CORIN: variants seen among roughly 807,000 people sequenced by gnomAD.
CORIN encodes the protein atrial natriuretic peptide-converting enzyme.
Under a neutral mutation model 125.3 loss-of-function variants are expected in CORIN, and 117 were observed. The observed-to-expected ratio is 0.93, with a 90% CI of 0.80 to 1.09. The LOEUF (loss-of-function observed/expected upper bound fraction) is 1.09, where lower values mean the gene tolerates loss of function less well. Among genes scored for constraint, CORIN ranks in the 50% least tolerant of loss-of-function variants. The probability of loss-of-function intolerance (pLI) is 0.00; values close to 1 mark genes in which losing one functional copy is unlikely to be tolerated. For synonymous variants in CORIN, 450 were observed against 466.4 expected (o/e 0.96, Z 0.45); for missense variants, 1,253 against 1,306.7 (o/e 0.96, Z 0.63).
intron 4 of CORIN, among the ~76,000 whole-genome samples, chr4:47,758,618 A>C (rs745763453): frequency 7.9e-5 from 12 of 152,180 alleles, no homozygotes. Flanking sequence ...TCCCCACCCA[A>C]ATCTCATCTT....
chr4:47,786,684 G>T, intron 3 of CORIN, 41 bp downstream of exon 3: 1 of 1,513,198 alleles, frequency 6.6e-7, no homozygotes, highest in Non-Finnish European at 9.1e-7. Context: ...CCTACCTGTG[G>T]GACATTAAAA....
intron 13 of CORIN, among the ~76,000 whole-genome samples, chr4:47,645,697 C>T (rs1723438734): frequency 6.6e-6 from 1 of 151,902 alleles, no homozygotes; most frequent in Admixed American, 6.6e-5. Context: ...GGAGACCAGC[C>T]TGGCCAAGAT....
At chr4:47,753,265 C>T (rs1342911822) in intron 4 of CORIN, among the ~76,000 whole-genome samples, 1 of 152,096 alleles carries the variant, frequency 6.6e-6, no homozygotes, top group Non-Finnish European at 1.5e-5. Context: ...CAATAAAGAT[C>T]ACAAGGCAAA....
intron 5 of CORIN, among the ~76,000 whole-genome samples, chr4:47,732,931 G>A (rs933634432): frequency 1.2e-4 from 18 of 151,906 alleles, no homozygotes; most frequent in African/African-American, 4.1e-4. Flanking sequence ...ACTGTCTCGC[G>A]TCTCTCCCAA....
rs759571237 is a variant in CORIN at position 47,623,700 on chromosome 4, C to T, written c.2411G>A (p.Gly804Glu). ...PAARMNKRIL[G>E]GRTSRPGRWP... ...CCTTCCAGGGCGACTCGTCCGACCTCCAAGGATCCTTTTGTTCATTCGGGC... is the reference window on the plus strand; with the variant it reads ...CCTTCCAGGGCGACTCGTCCGACCTTCAAGGATCCTTTTGTTCATTCGGGC... Residue 804 changes from glycine (G) to glutamate (E), a missense_variant, in exon 19 of 22, where the codon GGA (glycine) becomes GAA (glutamate). Coordinates refer to ENST00000273857, the MANE Select transcript of CORIN (RefSeq NM_006587.4). The T allele has an allele frequency of 1.2e-6, 2 of 1,614,230 alleles. No homozygotes were observed. The highest frequency in any genetic ancestry group is 1.1e-5 in the South Asian group (1 of 91,086).
chr4:47,768,226 C>A (rs548663548), intron 3 of CORIN, among the ~76,000 whole-genome samples: 26 of 152,294 alleles, frequency 1.7e-4, no homozygotes, highest in Non-Finnish European at 2.6e-4. Context: ...CGCTAACTCT[C>A]TTTTCGGACT....
At chr4:47,658,284 C>A (rs1252340378) in intron 12 of CORIN, among the ~76,000 whole-genome samples, 3 of 152,240 alleles carry the variant, frequency 2.0e-5, no homozygotes, top group African/African-American at 7.2e-5. Context: ...ATCCTGCATA[C>A]AGGGCACACT....
intron 2 of CORIN, among the ~76,000 whole-genome samples, chr4:47,791,634 A>G (rs906243096): frequency 1.3e-5 from 2 of 152,182 alleles, no homozygotes; most frequent in African/African-American, 4.8e-5. Context: ...AGCTTGCTCA[A>G]GATTTGAGTT....
intron 13 of CORIN, among the ~76,000 whole-genome samples, chr4:47,651,802 T>C (rs1166117161): frequency 1.3e-5 from 2 of 152,178 alleles, no homozygotes; most frequent in Non-Finnish European, 2.9e-5. Context: ...AAACCTGATA[T>C]TTTAGGGTCG....
rs187699363 is a variant in CORIN at position 47,780,731 on chromosome 4, T to C, written c.409+5994A>G. ...AACTATTTTGGAACTCTGGATTCTA[T>C]TGAATGTTTGAAAGTTTCAGAGGTG... On this transcript the variant is annotated intron_variant, in intron 3 of 21. Transcript: ENST00000273857. 3.0e-3 allele frequency among the ~76,000 whole-genome samples: 461 copies of C among 152,274 alleles called. 3 individuals carry two copies. In the Middle Eastern group the frequency reaches 0.037, roughly 12 times the overall value.
chr4:47,796,454 A>T (rs1731295499), intron 2 of CORIN, among the ~76,000 whole-genome samples: 1 of 152,118 alleles, frequency 6.6e-6, no homozygotes. Context: ...ATCCAAGGGT[A>T]TAAAGTTTCA....
intron 5 of CORIN, among the ~76,000 whole-genome samples, chr4:47,718,709 C>T (rs1262831023): frequency 6.6e-6 from 1 of 152,150 alleles, no homozygotes; most frequent in Non-Finnish European, 1.5e-5. Flanking sequence ...CATGCAACTC[C>T]CTTCCAATTC....
chr4:47,642,115 T>A, intron 15 of CORIN, 66 bp from the exon 16 acceptor site: 1 of 1,528,648 alleles, frequency 6.5e-7, no homozygotes, highest in East Asian at 2.3e-5. Flanking sequence ...GCACATAACT[T>A]TACATGCCTC....
At chr4:47,657,735 A>T (rs1207238892) in intron 12 of CORIN, among the ~76,000 whole-genome samples, 1 of 151,964 alleles carries the variant, frequency 6.6e-6, no homozygotes, top group Non-Finnish European at 1.5e-5. Flanking sequence ...AACAAGAGAG[A>T]GAGAGAGTTG....
rs566608203 is a variant in CORIN, at chr4:47,768,826, C to T, written c.410-5240G>A. Among the ~76,000 whole-genome samples, 18 of 152,208 alleles carry T rather than the reference C, an allele frequency of 1.2e-4. No homozygotes were observed. In the South Asian group the frequency reaches 1.9e-3, roughly 16 times the overall value. On this transcript the variant is annotated intron_variant, in intron 3 of 21. Transcript: ENST00000273857. ...TAGGTATAGAAGAAATGTACTTCAA[C>T]ACAATAAAGGCCATCTACGACAAAC...
chr4:47,764,411 T>G (rs1329926942), intron 3 of CORIN, among the ~76,000 whole-genome samples: 1 of 152,222 alleles, frequency 6.6e-6, no homozygotes, highest in African/African-American at 2.4e-5. Flanking sequence ...ACAAAAATGT[T>G]GACATGCATT....
At chr4:47,603,782 C>T (rs1004532080) in intron 19 of CORIN, 114 bp from the exon 20 acceptor site, 1 of 1,127,390 alleles carries the variant, frequency 8.9e-7, no homozygotes, top group Non-Finnish European at 1.3e-6. Flanking sequence ...TTCATGCCCA[C>T]CTCTCAATGT....
At chr4:47,619,400 T>C (rs1444759361) in intron 19 of CORIN, among the ~76,000 whole-genome samples, 1 of 152,190 alleles carries the variant, frequency 6.6e-6, no homozygotes, top group Non-Finnish European at 1.5e-5. Context: ...ATTGCTGTAA[T>C]TGATAGCTCC....
intron 3 of CORIN, among the ~76,000 whole-genome samples, chr4:47,764,510 C>A (rs1259397314): frequency 6.6e-6 from 1 of 152,156 alleles, no homozygotes; most frequent in African/African-American, 2.4e-5. Context: ...TTTATTGTTG[C>A]TGCTTAAACA....
Sources: allele counts gnomAD v4.1 joint callset (sites outside exome capture counted in the v4.1 genomes callset), GRCh38; gene constraint gnomAD v4.1.1; transcripts MANE v1.5; gene names NCBI Gene and HGNC (gene_info 2026-07-23, HGNC 2026-07-21).